SRSF12: variants seen among roughly 807,000 people sequenced by gnomAD.
SRSF12 encodes the protein serine/arginine-rich splicing factor 12.
In SRSF12, 21 loss-of-function variants were observed where a neutral mutation model predicts 34.1. That is an observed-to-expected ratio of 0.62 (90% CI 0.44 to 0.89). SRSF12 has a LOEUF of 0.89. Among genes scored for constraint, SRSF12 ranks in the 40% least tolerant of loss-of-function variants. SRSF12 has a pLI of 0.00. For missense variants in SRSF12, 278 were observed against 327.8 expected (o/e 0.85, Z 1.17); for synonymous variants, 111 against 110.8 (o/e 1.00, Z -0.01).
chr6:89,106,225 G>A (rs371079055), intron 2 of SRSF12, among the ~76,000 whole-genome samples: 8 of 152,056 alleles, frequency 5.3e-5, no homozygotes, highest in East Asian at 1.9e-4. Context: ...AGATTCTCCC[G>A]CCTCAGCCTT....
intron 4 of SRSF12, among the ~76,000 whole-genome samples, chr6:89,102,716 G>A (rs1768593456): frequency 6.6e-6 from 1 of 152,066 alleles, no homozygotes; most frequent in Admixed American, 6.6e-5. Context: ...AGTTAACAAA[G>A]ATTTACAGAA....
In SRSF12 at chr6:89,108,366, C is replaced by G. The variant is rs77642378; in HGVS notation, c.66-1108G>C. 8.5e-3 allele frequency among the ~76,000 whole-genome samples: 1,300 copies of G among 152,286 alleles called. 20 individuals are homozygous for G. The highest frequency in any genetic ancestry group is 0.03 in the African/African-American group (1,247 of 41,564). ...TGATACAGACAGATTATGGGTGATA[C>G]AGACAGAATTTCAGGTTATTTACAG... On this transcript the variant is annotated intron_variant, in intron 1 of 4. Coordinates refer to ENST00000452027, the MANE Select transcript of SRSF12 (RefSeq NM_080743.5).
Position 89,098,654 on chromosome 6 carries a change from T to G in SRSF12, c.710A>C (p.Lys237Thr), listed in dbSNP as rs764092297. The G allele has an allele frequency of 3.7e-6, 6 of 1,613,914 alleles. No homozygotes were observed. The highest frequency in any genetic ancestry group is 5.1e-6 in the Non-Finnish European group (6 of 1,179,906). Reference sequence around the variant, plus strand: ...ATGAGAATGCTTTGCTGTTTGTACTTTAGTTTCAGAATTGGTATACCCTTT... The same window carrying G: ...ATGAGAATGCTTTGCTGTTTGTACTGTAGTTTCAGAATTGGTATACCCTTT... ...SPKGYTNSETKVQTAKHSHFR... is the reference protein window; with the variant it reads ...SPKGYTNSETTVQTAKHSHFR... Residue 237 changes from lysine to threonine, a missense_variant, in exon 5 of 5, where the codon AAA becomes ACA. Coordinates refer to ENST00000452027, the MANE Select transcript of SRSF12 (RefSeq NM_080743.5).
At chr6:89,111,668 A>G (rs1422614112) in intron 1 of SRSF12, among the ~76,000 whole-genome samples, 1 of 152,160 alleles carries the variant, frequency 6.6e-6, no homozygotes, top group Non-Finnish European at 1.5e-5. Context: ...AGGACCTGCA[A>G]TAAAACGTTG....
chr6:89,112,858 C>G (rs994955122), intron 1 of SRSF12, among the ~76,000 whole-genome samples: 2 of 152,012 alleles, frequency 1.3e-5, no homozygotes, highest in African/African-American at 4.8e-5. Flanking sequence ...GACAGGTGTA[C>G]CTTTTAAAAA....
chr6:89,114,153 C>A (rs1167900601), intron 1 of SRSF12, among the ~76,000 whole-genome samples: 1 of 152,200 alleles, frequency 6.6e-6, no homozygotes, highest in Non-Finnish European at 1.5e-5. Flanking sequence ...TACGGCCAGG[C>A]GCAGTGGCTC....
chr6:89,098,990 T>C, intron 4 of SRSF12, 43 bp from the exon 5 acceptor site: 2 of 1,547,066 alleles, frequency 1.3e-6, no homozygotes, highest in Non-Finnish European at 8.7e-7. Flanking sequence ...TCACACAAAA[T>C]AAGAGATCAG....
chr6:89,096,368 T>C lies in SRSF12; in HGVS notation c.*2210A>G, dbSNP rs1476380653. ...TGGTACTAGGTTGGCGCAAAAGTAA[T>C]TGCGGGATATTTACCTCATAAGAGT... On this transcript the variant is annotated 3_prime_UTR_variant, in exon 5 of 5. Coordinates refer to ENST00000452027, the MANE Select transcript of SRSF12 (RefSeq NM_080743.5). 2.0e-5 allele frequency: 3 copies of C among 152,188 alleles called. No individual in the cohort carries two copies. The highest frequency in any genetic ancestry group is 4.8e-5 in the African/African-American group (2 of 41,442). 9.4% of individuals were successfully genotyped at this position (152,188 alleles called of 1,614,324 possible).
intron 1 of SRSF12, among the ~76,000 whole-genome samples, chr6:89,115,984 T>C (rs1365627869): frequency 1.3e-5 from 2 of 152,178 alleles, no homozygotes; most frequent in Non-Finnish European, 2.9e-5. Context: ...AAGACTAAGA[T>C]TACACATACA....
Position 89,105,521 on chromosome 6 carries a change from A to T in SRSF12, c.180T>A (p.Asp60Glu). The T allele has an allele frequency of 6.2e-7, 1 of 1,601,998 alleles. No individual in the cohort carries two copies. Among genetic ancestry groups the T allele is most frequent in the Admixed American group, 1.8e-5 (1 of 56,986 alleles). Residue 60 changes from aspartate to glutamate, a missense_variant, in exon 3 of 5, where the codon GAT becomes GAA. Coordinates refer to ENST00000452027, the MANE Select transcript of SRSF12 (RefSeq NM_080743.5). Reference protein sequence around the residue: ...PRGFAYVQFEDVRDAEDALYN... With the variant: ...PRGFAYVQFEEVRDAEDALYN... ...AAAGAGCATCTTCAGCATCTCGAAC[A>T]TCTTCAAATATGACTAGCTGTTAAG... is the stretch of plus-strand genomic sequence containing the variant.
rs1228068367 is a variant in SRSF12, at chr6:89,098,561, GCT to G, written c.*15_*16del. 1.3e-6 allele frequency: 2 copies of G among 1,592,510 alleles called. No homozygotes were observed. Among genetic ancestry groups the G allele is most frequent in the Middle Eastern group, 1.7e-4 (1 of 5,956 alleles). On this transcript the variant is annotated 3_prime_UTR_variant, in exon 5 of 5. Transcript: ENST00000452027. ...TAACTTATATTAAAGACGGCGTGGTGCTCTTTCTGTTGCTGTTCACCAACTGT... is the reference window on the plus strand; with the variant it reads ...TAACTTATATTAAAGACGGCGTGGTGCTTTCTGTTGCTGTTCACCAACTGT...
intron 1 of SRSF12, among the ~76,000 whole-genome samples, chr6:89,107,547 T>A (rs1339615387): frequency 6.6e-6 from 1 of 152,078 alleles, no homozygotes; most frequent in East Asian, 1.9e-4. Context: ...CTGGGCAACA[T>A]GGTGAAACCC....
intron 1 of SRSF12, among the ~76,000 whole-genome samples, chr6:89,114,362 A>AG (rs1453757811): frequency 1.3e-5 from 2 of 152,030 alleles, no homozygotes; most frequent in African/African-American, 4.8e-5. Flanking sequence ...CAGGAGGCGG[A>AG]GGTTGCAGTG....
intron 1 of SRSF12, among the ~76,000 whole-genome samples, chr6:89,116,936 C>T (rs1427620692): frequency 6.6e-6 from 1 of 152,102 alleles, no homozygotes; most frequent in Non-Finnish European, 1.5e-5. Context: ...TTTCCGCTCT[C>T]CCTTATGTAC....
chr6:89,107,374 C>T (rs1248889394), intron 1 of SRSF12, 116 bp from the exon 2 acceptor site: 5 of 725,212 alleles, frequency 6.9e-6, no homozygotes, highest in African/African-American at 1.8e-5. Context: ...CCAGCATTAT[C>T]TAAAATTGTT....
At chr6:89,110,764 CACT>C (rs1466093857) in intron 1 of SRSF12, among the ~76,000 whole-genome samples, 6 of 152,014 alleles carry the variant, frequency 3.9e-5, no homozygotes, top group Non-Finnish European at 7.4e-5. Flanking sequence ...ACCTTAGCTT[CACT>C]ACATGTTCTT....
chr6:89,099,386 C>G (rs1768401997), intron 4 of SRSF12, among the ~76,000 whole-genome samples: 1 of 62,856 alleles, frequency 1.6e-5, no homozygotes. Flanking sequence ...TAGAAAACAG[C>G]TCTCTCTCTC....
At chr6:89,113,751 C>T (rs1156563829) in intron 1 of SRSF12, among the ~76,000 whole-genome samples, 2 of 152,158 alleles carry the variant, frequency 1.3e-5, no homozygotes, top group African/African-American at 4.8e-5. Flanking sequence ...TCAGGCGATC[C>T]TCCCACGTCA....
intron 4 of SRSF12, among the ~76,000 whole-genome samples, chr6:89,104,168 G>A (rs113259862): frequency 0.012 from 1,744 of 147,426 alleles, 26 homozygotes; most frequent in Non-Finnish European, 0.015. Context: ...TAAAGTTGAA[G>A]ATTACAAACT....
Sources: allele counts gnomAD v4.1 joint callset (sites outside exome capture counted in the v4.1 genomes callset), GRCh38; gene constraint gnomAD v4.1.1; transcripts MANE v1.5; gene names NCBI Gene and HGNC (gene_info 2026-07-23, HGNC 2026-07-21).